Variants in SLC39A11 observed in about 807,000 individuals in gnomAD.
SLC39A11 encodes zinc transporter ZIP11.
Under a neutral mutation model 36.1 loss-of-function variants are expected in SLC39A11, and 33 were observed. That is an observed-to-expected ratio of 0.91 (90% CI 0.69 to 1.22). The LOEUF (loss-of-function observed/expected upper bound fraction) is 1.22. Ranked by LOEUF, SLC39A11 falls within the 50% of genes most tolerant of loss-of-function variation. The pLI is 0.00. For missense variants in SLC39A11, 432 were observed against 430.3 expected (o/e 1.00, Z -0.03); for synonymous variants, 166 against 170.3 (o/e 0.97, Z 0.20).
intron 4 of SLC39A11, among the ~76,000 whole-genome samples, chr17:73,005,581 C>T (rs1443260838): frequency 2.0e-5 from 3 of 152,212 alleles, no homozygotes; most frequent in East Asian, 1.9e-4. Flanking sequence ...TATGCAGAGG[C>T]TCTGCCCGCT....
At chr17:72,877,686 C>G (rs2080981102) in intron 5 of SLC39A11, among the ~76,000 whole-genome samples, 1 of 152,168 alleles carries the variant, frequency 6.6e-6, no homozygotes, top group Admixed American at 6.5e-5. Flanking sequence ...TAGGAGCTGG[C>G]TGAACATGGT....
intron 5 of SLC39A11, among the ~76,000 whole-genome samples, chr17:72,880,704 C>G (rs1567874839): frequency 6.6e-6 from 1 of 150,872 alleles, no homozygotes; most frequent in Non-Finnish European, 1.5e-5. Flanking sequence ...CTTTTTCAGA[C>G]AGAGTCTCGC....
intron 6 of SLC39A11, among the ~76,000 whole-genome samples, chr17:72,809,199 TTCTCTC>T (rs66472539): frequency 1.7e-3 from 175 of 102,326 alleles, no homozygotes; most frequent in African/African-American, 2.4e-3. Context: ...TTTCTTTTCT[TTCTCTC>T]TCTCTCTCTC....
At chr17:72,887,368 T>C (rs1194893488) in intron 5 of SLC39A11, among the ~76,000 whole-genome samples, 1 of 152,170 alleles carries the variant, frequency 6.6e-6, no homozygotes, top group Non-Finnish European at 1.5e-5. Flanking sequence ...TTCAAGCCAA[T>C]GGGCTCAACC....
intron 4 of SLC39A11, among the ~76,000 whole-genome samples, chr17:73,005,751 A>G (rs2090141267): frequency 1.3e-5 from 2 of 152,214 alleles, no homozygotes; most frequent in African/African-American, 4.8e-5. Flanking sequence ...GATCAAGACC[A>G]GCTTGGCCAA....
intron 5 of SLC39A11, among the ~76,000 whole-genome samples, chr17:72,862,131 T>C (rs772618609): frequency 6.6e-6 from 1 of 152,116 alleles, no homozygotes; most frequent in Non-Finnish European, 1.5e-5. Flanking sequence ...TTTCAAAAGA[T>C]GGCTGTCTTC....
chr17:72,948,882 T>G lies in SLC39A11; in HGVS notation c.307-1007A>C, dbSNP rs370755275. On this transcript the variant is annotated intron_variant, in intron 4 of 9. Coordinates refer to ENST00000255559, the MANE Select transcript of SLC39A11 (RefSeq NM_139177.4). ...AATAAATGAATCCACAATGGGGTGG[T>G]AAGCTTCTCTTCCAAAGGCATCATC... Among the ~76,000 whole-genome samples the G allele has an allele frequency of 4.6e-5, 7 of 152,094 alleles. 1 individual carries two copies. Among genetic ancestry groups the G allele is most frequent in the East Asian group, 3.9e-4 (2 of 5,182 alleles).
intron 6 of SLC39A11, among the ~76,000 whole-genome samples, chr17:72,800,235 A>C (rs2077037970): frequency 6.6e-6 from 1 of 151,758 alleles, no homozygotes; most frequent in African/African-American, 2.4e-5. Flanking sequence ...AGGTGGAGAG[A>C]GCTCCAGAAA....
intron 7 of SLC39A11, among the ~76,000 whole-genome samples, chr17:72,667,260 G>A (rs2070796152): frequency 6.6e-6 from 1 of 152,162 alleles, no homozygotes; most frequent in Non-Finnish European, 1.5e-5. Flanking sequence ...ATCTCCGTAT[G>A]ACTCAGGACA....
rs1420231478 is a variant in SLC39A11, at chr17:73,088,840, A to T, written c.-11-65T>A. ...GTTTCAGTGACAGGCGCATATTCTG[A>T]CGGGTCCTAACACCCTGTGTGGGAG... On this transcript the variant is annotated intron_variant, in intron 1 of 9. Transcript: ENST00000255559. 5 of 1,163,798 alleles carry T rather than the reference A, an allele frequency of 4.3e-6. No homozygotes were observed. The Admixed American group carries it at 8.0e-5, about 19-fold the overall frequency. 72.1% of individuals were successfully genotyped at this position (1,163,798 alleles called of 1,614,324 possible). A position where few individuals can be genotyped will look rare whatever the true frequency, so the allele number is the denominator to read the frequency against.
chr17:72,848,707 C>A (rs988311891), intron 6 of SLC39A11, among the ~76,000 whole-genome samples: 4 of 141,130 alleles, frequency 2.8e-5, no homozygotes, highest in African/African-American at 1.0e-4. Context: ...GGGGACAGAG[C>A]AAGACTCTGT....
intron 6 of SLC39A11, among the ~76,000 whole-genome samples, chr17:72,809,199 T>TTCTCTC (rs66472539): frequency 1.9e-3 from 192 of 102,326 alleles, no homozygotes; most frequent in African/African-American, 4.6e-3. Flanking sequence ...TTTCTTTTCT[T>TTCTCTC]TCTCTCTCTC....
intron 7 of SLC39A11, among the ~76,000 whole-genome samples, chr17:72,722,320 C>T (rs1165908717): frequency 1.3e-5 from 2 of 152,176 alleles, no homozygotes; most frequent in South Asian, 2.1e-4. Context: ...TTTAAAAATA[C>T]ACCGTCCAAT....
chr17:72,846,594 G>A (rs2079065675), intron 6 of SLC39A11, among the ~76,000 whole-genome samples: 1 of 152,148 alleles, frequency 6.6e-6, no homozygotes, highest in South Asian at 2.1e-4. Context: ...ATTGGGATGA[G>A]CCAGGAAATA....
chr17:73,064,983 T>C (rs1353415653), intron 3 of SLC39A11, among the ~76,000 whole-genome samples: 1 of 152,084 alleles, frequency 6.6e-6, no homozygotes, highest in Non-Finnish European at 1.5e-5. Context: ...CCTTTCTCCC[T>C]CCTGCTCTCA....
intron 7 of SLC39A11, among the ~76,000 whole-genome samples, chr17:72,728,776 G>A (rs905545681): frequency 6.6e-6 from 1 of 152,042 alleles, no homozygotes; most frequent in African/African-American, 2.4e-5. Context: ...ACTGGGTAAC[G>A]CTTTCCCCAA....
At chr17:72,673,828 C>A (rs1185868492) in intron 7 of SLC39A11, among the ~76,000 whole-genome samples, 3 of 152,126 alleles carry the variant, frequency 2.0e-5, no homozygotes. Flanking sequence ...CTTTGGGAGG[C>A]TGAGGTGGGC....
At chr17:72,791,514 C>A (rs957409888) in intron 6 of SLC39A11, among the ~76,000 whole-genome samples, 2 of 152,144 alleles carry the variant, frequency 1.3e-5, no homozygotes, top group Non-Finnish European at 2.9e-5. Flanking sequence ...TAGCAAATTG[C>A]AATCACAAAT....
intron 3 of SLC39A11, among the ~76,000 whole-genome samples, chr17:73,038,288 CA>C (rs1277182193): frequency 6.6e-6 from 1 of 152,060 alleles, no homozygotes; most frequent in Non-Finnish European, 1.5e-5. Flanking sequence ...AATGAAAAAA[CA>C]AAAGAGAATG....
Sources: gnomAD v4.1 joint callset for allele counts (sites outside exome capture counted in the v4.1 genomes callset) on GRCh38, gnomAD v4.1.1 for gene constraint, MANE v1.5 for transcripts, NCBI Gene and HGNC (gene_info 2026-07-23, HGNC 2026-07-21) for gene names.